TENM3: variants seen among roughly 807,000 people sequenced by gnomAD.
The protein encoded by TENM3 is teneurin-3.
In TENM3, 63 loss-of-function variants were observed where a neutral mutation model predicts 255.1. The observed-to-expected ratio is 0.25, with a 90% CI of 0.20 to 0.30. The LOEUF is 0.30. Among genes scored for constraint, TENM3 ranks in the 10% least tolerant of loss-of-function variants. The pLI is 1.00. For synonymous variants in TENM3, 1,306 were observed against 1,322.3 expected, an observed-to-expected ratio of 0.99 and a Z score of 0.27; for missense variants, 2,929 against 3,461.1, an observed-to-expected ratio of 0.85 and a Z score of 3.86.
chr4:182,421,192 CTCTTCA>C (rs1250981369), intron 3 of TENM3, among the ~76,000 whole-genome samples: 2 of 152,168 alleles, frequency 1.3e-5, no homozygotes, highest in Non-Finnish European at 2.9e-5. Context: ...TCCTCACCCC[CTCTTCA>C]TCTTCATCTT....
chr4:181,875,975 A>G, the TENM3 span, among the ~76,000 whole-genome samples: 1 of 152,366 alleles, frequency 6.6e-6, no homozygotes, highest in Non-Finnish European at 1.5e-5. Flanking sequence ...TTGAAAGTAA[A>G]TGTGGTATCT....
At chr4:182,004,148 T>C in the TENM3 span, among the ~76,000 whole-genome samples, 1 of 152,144 alleles carries the variant, frequency 6.6e-6, no homozygotes, top group Non-Finnish European at 1.5e-5. Flanking sequence ...TGCAGGCTTA[T>C]TACATAGGTA....
intron 4 of TENM3, among the ~76,000 whole-genome samples, chr4:182,616,571 C>A (rs1749550883): frequency 3.0e-5 from 3 of 100,252 alleles, no homozygotes; most frequent in Admixed American, 1.2e-4. Flanking sequence ...CTGGCTAACA[C>A]AGTGAAAAAA....
intron 3 of TENM3, chr4:182,548,639 A>C (rs1448554293): frequency 6.6e-6 from 1 of 152,156 alleles, no homozygotes; most frequent in African/African-American, 2.4e-5. Flanking sequence ...AATACTTACA[A>C]CAGACATCAA....
chr4:181,797,432 C>T, the TENM3 span, among the ~76,000 whole-genome samples: 1 of 152,100 alleles, frequency 6.6e-6, no homozygotes, highest in South Asian at 2.1e-4. Flanking sequence ...CCTTCCTCTC[C>T]TTTTTCCTCT....
chr4:181,510,569 T>TTA, the TENM3 span, among the ~76,000 whole-genome samples: 2 of 151,750 alleles, frequency 1.3e-5, no homozygotes, highest in Non-Finnish European at 2.9e-5. Context: ...ACATTTTTTT[T>TTA]AAAAAAAGAA....
At chr4:181,789,673 C>T in the TENM3 span, among the ~76,000 whole-genome samples, 3 of 152,128 alleles carry the variant, frequency 2.0e-5, no homozygotes, top group Non-Finnish European at 2.9e-5. Context: ...TTGGGATTTT[C>T]AGCCCCGCCT....
At chr4:182,686,885 C>T (rs931984487) in intron 11 of TENM3, among the ~76,000 whole-genome samples, 1 of 152,266 alleles carries the variant, frequency 6.6e-6, no homozygotes, top group South Asian at 2.1e-4. Context: ...GTTAATCAAA[C>T]TATCTTGAAT....
At chr4:181,632,053 G>A in the TENM3 span, among the ~76,000 whole-genome samples, 3 of 152,116 alleles carry the variant, frequency 2.0e-5, no homozygotes, top group African/African-American at 7.2e-5. Flanking sequence ...TGTGAGGTGT[G>A]GTGTATTAGT....
chr4:181,910,730 G>T, the TENM3 span, among the ~76,000 whole-genome samples: 4 of 151,318 alleles, frequency 2.6e-5, no homozygotes, highest in Admixed American at 1.3e-4. Flanking sequence ...ACCTGCCTCA[G>T]CCCCCCAAAG....
At chr4:182,075,388 C>CAGT in the TENM3 span, among the ~76,000 whole-genome samples, 1 of 151,904 alleles carries the variant, frequency 6.6e-6, no homozygotes, top group East Asian at 1.9e-4. Flanking sequence ...TCAGTAGAGA[C>CAGT]GGGGTTTCAC....
chr4:182,048,430 T>C, the TENM3 span, among the ~76,000 whole-genome samples: 1 of 152,190 alleles, frequency 6.6e-6, no homozygotes, highest in Admixed American at 6.5e-5. Flanking sequence ...CACATAGATA[T>C]TACCAGATAA....
At chr4:182,467,426 T>C (rs927678511) in intron 3 of TENM3, among the ~76,000 whole-genome samples, 1 of 152,222 alleles carries the variant, frequency 6.6e-6, no homozygotes, top group African/African-American at 2.4e-5. Context: ...TCCATAAATA[T>C]ACATAAAGCA....
the TENM3 span, among the ~76,000 whole-genome samples, chr4:181,848,595 CATCAA>C: frequency 6.6e-6 from 1 of 152,020 alleles, no homozygotes; most frequent in Non-Finnish European, 1.5e-5. Flanking sequence ...AGATGTCAAT[CATCAA>C]ATCAACCCCA....
At chr4:182,519,890 A>G (rs2151772572) in intron 3 of TENM3, among the ~76,000 whole-genome samples, 1 of 152,278 alleles carries the variant, frequency 6.6e-6, no homozygotes, top group Admixed American at 6.5e-5. Flanking sequence ...TATTTGGGAA[A>G]AAACCTCTGT....
chr4:182,500,209 A>G (rs1030078566), intron 3 of TENM3, among the ~76,000 whole-genome samples: 2 of 152,220 alleles, frequency 1.3e-5, no homozygotes, highest in African/African-American at 4.8e-5. Context: ...GAGAAAATAC[A>G]CGATAACTTG....
At chr4:181,632,195 G>T in the TENM3 span, among the ~76,000 whole-genome samples, 1 of 152,122 alleles carries the variant, frequency 6.6e-6, no homozygotes, top group East Asian at 1.9e-4. Flanking sequence ...GGGAAGGCAG[G>T]CACGTCTTAC....
At chr4:182,613,368 A>G (rs1382313445) in intron 4 of TENM3, among the ~76,000 whole-genome samples, 1 of 152,178 alleles carries the variant, frequency 6.6e-6, no homozygotes, top group Non-Finnish European at 1.5e-5. Flanking sequence ...CATAATGGCT[A>G]AAAATATTTT....
the TENM3 span, among the ~76,000 whole-genome samples, chr4:181,780,266 G>T: frequency 2.6e-5 from 4 of 152,246 alleles, no homozygotes; most frequent in East Asian, 7.7e-4. Flanking sequence ...GTGTAAAAGT[G>T]TTCCTATTTC....
Sources: gnomAD v4.1 joint callset for allele counts (sites outside exome capture counted in the v4.1 genomes callset) on GRCh38, gnomAD v4.1.1 for gene constraint, MANE v1.5 for transcripts, NCBI Gene and HGNC (gene_info 2026-07-23, HGNC 2026-07-21) for gene names.